LIPC: variants seen among roughly 807,000 people sequenced by gnomAD.
LIPC encodes the protein hepatic triacylglycerol lipase.
Under a neutral mutation model 50.7 loss-of-function variants are expected in LIPC, and 44 were observed. The observed-to-expected ratio is 0.87, with a 90% CI of 0.68 to 1.11. The LOEUF is 1.11. Ranked by LOEUF, LIPC falls within the 50% of genes most tolerant of loss-of-function variation. LIPC has a pLI of 0.00. For missense variants in LIPC, 697 were observed against 648.2 expected (o/e 1.08, Z -0.82); for synonymous variants, 271 against 256.4 (o/e 1.06, Z -0.54).
intron 1 of LIPC, chr15:58,436,552 G>T: frequency 3.4e-6 from 1 of 290,546 alleles, no homozygotes; most frequent in Non-Finnish European, 6.9e-6. Flanking sequence ...AGTGATGATT[G>T]CTGATTTTTA....
At chr15:58,553,047 A>T (rs565737282) in intron 6 of LIPC, among the ~76,000 whole-genome samples, 1 of 152,316 alleles carries the variant, frequency 6.6e-6, no homozygotes, top group East Asian at 1.9e-4. Context: ...TTACAGCGAC[A>T]CTACAAGAAA....
intron 6 of LIPC, among the ~76,000 whole-genome samples, chr15:58,559,955 T>C (rs1266370252): frequency 1.3e-5 from 2 of 152,244 alleles, no homozygotes; most frequent in African/African-American, 4.8e-5. Context: ...TGCTGCTATT[T>C]GACCTTAAGC....
In LIPC at chr15:58,542,664, A is replaced by C. The variant is rs543544840; in HGVS notation, c.574+13A>C. On this transcript the variant is annotated intron_variant, in intron 4 of 8. Coordinates refer to ENST00000299022, the MANE Select transcript of LIPC (RefSeq NM_000236.3). ...GGGAGAATCACAGGTAACCATGCCT[A>C]ATAACTCACACACTGATCTCCACTC... The C allele has an allele frequency of 7.1e-6, 11 of 1,542,298 alleles. No individual in the cohort carries two copies. Among genetic ancestry groups the C allele is most frequent in the Non-Finnish European group, 9.9e-6 (11 of 1,114,866 alleles).
At chr15:58,469,600 C>T (rs575555689) in intron 1 of LIPC, among the ~76,000 whole-genome samples, 31 of 147,250 alleles carry the variant, frequency 2.1e-4, no homozygotes, top group South Asian at 6.4e-4. Flanking sequence ...TGCCCATTCA[C>T]CCAGTCACCA....
chr15:58,499,526 C>T (rs555179719), intron 1 of LIPC, among the ~76,000 whole-genome samples: 45 of 152,308 alleles, frequency 3.0e-4, no homozygotes, highest in Admixed American at 2.8e-3. Context: ...CAATAGTCTC[C>T]TCTATCTCTA....
At chr15:58,551,982 G>A (rs1893778394) in intron 6 of LIPC, among the ~76,000 whole-genome samples, 2 of 152,202 alleles carry the variant, frequency 1.3e-5, no homozygotes, top group Non-Finnish European at 1.5e-5. Flanking sequence ...GGAAACAGTC[G>A]CCGAGTGAAA....
chr15:58,460,248 C>A (rs1030997715), intron 1 of LIPC, among the ~76,000 whole-genome samples: 2 of 152,204 alleles, frequency 1.3e-5, no homozygotes, highest in African/African-American at 4.8e-5. Flanking sequence ...AAAGTTTTGG[C>A]TTTTTCCTGG....
At chr15:58,512,876 G>T (rs560661484) in intron 1 of LIPC, among the ~76,000 whole-genome samples, 62 of 151,856 alleles carry the variant, frequency 4.1e-4, no homozygotes, top group African/African-American at 1.4e-3. Flanking sequence ...GACAACGAGG[G>T]TCGTTCCACA....
chr15:58,462,198 T>C (rs1017046988), intron 1 of LIPC, among the ~76,000 whole-genome samples: 1 of 152,334 alleles, frequency 6.6e-6, no homozygotes, highest in East Asian at 1.9e-4. Context: ...CCCTATAGGA[T>C]CGTGAGTGCT....
At chr15:58,447,447 T>C (rs16940315) in intron 1 of LIPC, among the ~76,000 whole-genome samples, 9,141 of 152,292 alleles carry the variant, frequency 0.06, 933 homozygotes, top group African/African-American at 0.21. Flanking sequence ...GTTCCCATTA[T>C]AGGTCTTACA....
intron 6 of LIPC, among the ~76,000 whole-genome samples, chr15:58,554,336 T>G (rs1284590327): frequency 6.6e-6 from 1 of 152,142 alleles, no homozygotes; most frequent in East Asian, 1.9e-4. Context: ...CCTGAAATAA[T>G]TTCTCCTGCC....
At chr15:58,557,272 G>A (rs935329597) in intron 6 of LIPC, among the ~76,000 whole-genome samples, 9 of 151,098 alleles carry the variant, frequency 6.0e-5, no homozygotes, top group Non-Finnish European at 1.3e-4. Flanking sequence ...GATAATAATC[G>A]TATCATTTGT....
chr15:58,483,657 A>G (rs1427199590), intron 1 of LIPC, among the ~76,000 whole-genome samples: 5 of 152,164 alleles, frequency 3.3e-5, no homozygotes, highest in Non-Finnish European at 7.4e-5. Flanking sequence ...AAGTAAATCT[A>G]GGAAGTTAAA....
In LIPC at chr15:58,507,695, C is replaced by T. The variant is rs571593125; in HGVS notation, c.89-30638C>T. Among the ~76,000 whole-genome samples the T allele has an allele frequency of 1.2e-4, 19 of 152,254 alleles. 1 individual carries two copies. The East Asian group carries it at 3.3e-3, about 26-fold the overall frequency. ...TACTCCACCAGGCACTGTGTAGAGG[C>T]TAAGGGAAAGCTTCCCCTTTGCCCT... On this transcript the variant is annotated intron_variant, in intron 1 of 8. Transcript: ENST00000299022.
At chr15:58,520,775 C>T (rs1384906326) in intron 1 of LIPC, among the ~76,000 whole-genome samples, 1 of 152,212 alleles carries the variant, frequency 6.6e-6, no homozygotes, top group Non-Finnish European at 1.5e-5. Flanking sequence ...TAATACGACA[C>T]TTCCCATATT....
chr15:58,547,699 C>T (rs2140926047), intron 5 of LIPC, among the ~76,000 whole-genome samples: 1 of 149,102 alleles, frequency 6.7e-6, no homozygotes, highest in African/African-American at 2.5e-5. Flanking sequence ...GGGGTGAGGC[C>T]TGTCCAGATC....
intron 1 of LIPC, among the ~76,000 whole-genome samples, chr15:58,503,513 C>A (rs1345582353): frequency 6.6e-6 from 1 of 152,166 alleles, no homozygotes; most frequent in Non-Finnish European, 1.5e-5. Context: ...TGGGGCAGCA[C>A]CTCGCATCTG....
intron 1 of LIPC, among the ~76,000 whole-genome samples, chr15:58,489,908 T>C (rs1399317611): frequency 1.3e-5 from 2 of 152,124 alleles, no homozygotes; most frequent in Non-Finnish European, 1.5e-5. Context: ...CAAGGACAGC[T>C]TGGAGGTTAA....
intron 1 of LIPC, among the ~76,000 whole-genome samples, chr15:58,441,303 C>A (rs528629560): frequency 6.6e-6 from 1 of 152,218 alleles, no homozygotes; most frequent in Non-Finnish European, 1.5e-5. Flanking sequence ...GAAGCAGGAG[C>A]ACATAACAGG....
Sources: gnomAD v4.1 joint callset for allele counts (sites outside exome capture counted in the v4.1 genomes callset) on GRCh38, gnomAD v4.1.1 for gene constraint, MANE v1.5 for transcripts, NCBI Gene and HGNC (gene_info 2026-07-23, HGNC 2026-07-21) for gene names.